The following ARHGAP31 variants were observed in gnomAD, a reference collection of about 807,000 sequenced individuals.
ARHGAP31 encodes rho GTPase-activating protein 31.
ARHGAP31 carries 34 observed loss-of-function variants against 113.9 expected under a neutral mutation model. The observed-to-expected ratio is 0.30, with a 90% CI of 0.23 to 0.40. The LOEUF is 0.40. Ranked by LOEUF, ARHGAP31 falls within the 10% of genes least tolerant of loss-of-function variation. The pLI, the probability that ARHGAP31 is intolerant of heterozygous loss-of-function variation, is 1.00. For synonymous variants in ARHGAP31, 650 were observed against 684.8 expected, an observed-to-expected ratio of 0.95 and a Z score of 0.79; for missense variants, 1,548 against 1,767.1, an observed-to-expected ratio of 0.88 and a Z score of 2.22.
chr3:119,295,051 T>A, intron 1 of ARHGAP31, 47 bp downstream of exon 1: 1 of 1,566,686 alleles, frequency 6.4e-7, no homozygotes, highest in Admixed American at 1.7e-5. Context: ...TCTTTTTGTT[T>A]GAGGGAGAGA....
chr3:119,364,014 T>C (rs2080232239), intron 1 of ARHGAP31, among the ~76,000 whole-genome samples: 1 of 152,168 alleles, frequency 6.6e-6, no homozygotes, highest in Non-Finnish European at 1.5e-5. Context: ...AGTGATCTGC[T>C]GCTCTCTCTG....
chr3:119,356,336 C>CA (rs113326415), intron 1 of ARHGAP31, among the ~76,000 whole-genome samples: 2,618 of 151,532 alleles, frequency 0.017, 46 homozygotes, highest in East Asian at 0.061. Context: ...ACAACAACAA[C>CA]AAAAAAAACC....
rs573424645 is a variant in ARHGAP31 at position 119,294,822 on chromosome 3, G to C, written c.-83G>C. ...CCCCCAGAGCCGCGGGGCAGCCGGTGATCTAGCCCGGGAGCCCATCTTACA... is the reference window on the plus strand; with the variant it reads ...CCCCCAGAGCCGCGGGGCAGCCGGTCATCTAGCCCGGGAGCCCATCTTACA... On this transcript the variant is annotated 5_prime_UTR_variant, in exon 1 of 12. The change abolishes the stop of an existing upstream ORF in the 5' untranslated region. Coordinates refer to ENST00000264245, the MANE Select transcript of ARHGAP31 (RefSeq NM_020754.4). 2 of 1,307,860 alleles carry C rather than the reference G, an allele frequency of 1.5e-6. No homozygotes were observed. Among genetic ancestry groups the C allele is most frequent in the African/African-American group, 2.9e-5 (2 of 68,808 alleles). The allele number at this position is 1,307,860 out of a possible 1,614,324, so 81.0% of individuals were successfully genotyped here. A position where few individuals can be genotyped will look rare whatever the true frequency, so the allele number is the denominator to read the frequency against.
At chr3:119,383,372 A>C in intron 6 of ARHGAP31, 146 bp downstream of exon 6, 3 of 1,064,872 alleles carry the variant, frequency 2.8e-6, no homozygotes, top group Admixed American at 1.8e-5. Context: ...TCAGTGTCTG[A>C]GGATCGTGCA....
intron 9 of ARHGAP31, among the ~76,000 whole-genome samples, chr3:119,399,991 A>G (rs1309209642): frequency 6.6e-6 from 1 of 152,234 alleles, no homozygotes; most frequent in East Asian, 1.9e-4. Flanking sequence ...TTACAAGGCA[A>G]AGGACTTGTC....
At chr3:119,295,396 A>G (rs1194186592) in intron 1 of ARHGAP31, among the ~76,000 whole-genome samples, 2 of 148,004 alleles carry the variant, frequency 1.4e-5, no homozygotes, top group African/African-American at 5.0e-5. Flanking sequence ...CCTGGGTACA[A>G]AATCATGACC....
Position 119,372,961 on chromosome 3 carries a change from G to C in ARHGAP31, c.348+4445G>C, listed in dbSNP as rs530607651. Among the ~76,000 whole-genome samples the C allele has an allele frequency of 5.3e-5, 8 of 152,208 alleles. No individual in the cohort carries two copies. The South Asian group carries it at 1.7e-3, about 32-fold the overall frequency. ...ACTTAATATGAAATAAAGTAATGAAGGAACAATGCCATAAACAGTGCTAGG... is the reference window on the plus strand; with the variant it reads ...ACTTAATATGAAATAAAGTAATGAACGAACAATGCCATAAACAGTGCTAGG... On this transcript the variant is annotated intron_variant, in intron 3 of 11. Transcript: ENST00000264245.
chr3:119,332,631 TCTCTCACACACACA>T lies in ARHGAP31; in HGVS notation c.101-32683_101-32670del, dbSNP rs1348386836. Among the ~76,000 whole-genome samples, 349 of 115,318 alleles carry T rather than the reference TCTCTCACACACACA, an allele frequency of 3.0e-3. 1 individual carries two copies. The highest frequency in any genetic ancestry group is 0.01 in the African/African-American group (294 of 28,040). The allele number at this position is 115,318 out of a possible 152,430, so 75.7% of individuals were successfully genotyped here. On this transcript the variant is annotated intron_variant, in intron 1 of 11. Coordinates refer to ENST00000264245, the MANE Select transcript of ARHGAP31 (RefSeq NM_020754.4). ...CTCTCTCTCTCTCTCTCTCTCTCTCTCTCTCACACACACACACACACACACACACACACACACAC... is the reference window on the plus strand; with the variant it reads ...CTCTCTCTCTCTCTCTCTCTCTCTCTCACACACACACACACACACACACAC...
chr3:119,391,598 T>TCCCCCCCCCC (rs1422804516), intron 7 of ARHGAP31, among the ~76,000 whole-genome samples: 36 of 87,056 alleles, frequency 4.1e-4, no homozygotes, highest in East Asian at 1.3e-3. Flanking sequence ...TACCCCCCCC[T>TCCCCCCCCCC]CCCCCCCGCC....
intron 1 of ARHGAP31, among the ~76,000 whole-genome samples, chr3:119,318,827 T>A (rs1365322896): frequency 6.6e-6 from 1 of 152,102 alleles, no homozygotes; most frequent in African/African-American, 2.4e-5. Context: ...AATAATTCAA[T>A]AAACAAATAT....
At chr3:119,336,650 T>C (rs1448605093) in intron 1 of ARHGAP31, among the ~76,000 whole-genome samples, 3 of 152,096 alleles carry the variant, frequency 2.0e-5, no homozygotes, top group Non-Finnish European at 4.4e-5. Flanking sequence ...TTTAATTTTA[T>C]TGAGATATAA....
At chr3:119,311,565 C>T (rs141533750) in intron 1 of ARHGAP31, among the ~76,000 whole-genome samples, 3 of 152,288 alleles carry the variant, frequency 2.0e-5, no homozygotes, top group African/African-American at 7.2e-5. Context: ...TTTGGGGGGA[C>T]GTTACTCAAC....
At position 119,332,627 on chromosome 3, in the gene ARHGAP31, TCTCTCTCTCACACACACACA is replaced by T. The variant is rs1197176222; in HGVS notation, c.101-32687_101-32668del. Among the ~76,000 whole-genome samples the T allele has an allele frequency of 5.4e-3, 654 of 121,370 alleles. 2 individuals are homozygous for T. Among genetic ancestry groups the T allele is most frequent in the African/African-American group, 0.021 (581 of 27,056 alleles). 79.6% of individuals were successfully genotyped at this position (121,370 alleles called of 152,430 possible). On this transcript the variant is annotated intron_variant, in intron 1 of 11. Coordinates refer to ENST00000264245, the MANE Select transcript of ARHGAP31 (RefSeq NM_020754.4). ...CTTTCTCTCTCTCTCTCTCTCTCTCTCTCTCTCTCACACACACACACACACACACACACACACACACACAC... is the reference window on the plus strand; with the variant it reads ...CTTTCTCTCTCTCTCTCTCTCTCTCTCACACACACACACACACACACACAC...
chr3:119,317,914 A>G (rs755726863), intron 1 of ARHGAP31, among the ~76,000 whole-genome samples: 1 of 152,152 alleles, frequency 6.6e-6, no homozygotes, highest in Non-Finnish European at 1.5e-5. Flanking sequence ...TATTGTGAGG[A>G]CCAGTTGAAG....
At position 119,402,135 on chromosome 3, in the gene ARHGAP31, T is replaced by C; in HGVS notation, c.1383T>C (p.Pro461=). 6.2e-7 allele frequency: 1 copy of C among 1,614,228 alleles called. No homozygotes were observed. Among genetic ancestry groups the C allele is most frequent in the Non-Finnish European group, 8.5e-7 (1 of 1,180,040 alleles). The change falls in exon 10 of 12, where the codon CCT becomes CCC. Residue 461 remains proline (P), a synonymous_variant. Coordinates refer to ENST00000264245, the MANE Select transcript of ARHGAP31 (RefSeq NM_020754.4). ...TGTTCTACACTTCGAACGACAGCCC[T>C]AGCAAATCCGTCTTCACCAGCAGCC... The part of the protein sequence containing the change: ...LGMFYTSNDS[P]SKSVFTSSLF...
In ARHGAP31 at chr3:119,380,906, G is replaced by A. The variant is rs757501179; in HGVS notation, c.351G>A (p.Glu117=). Residue 117 remains glutamate, a splice_region_variant and synonymous_variant, in exon 4 of 12, where the codon GAG becomes GAA. Coordinates refer to ENST00000264245, the MANE Select transcript of ARHGAP31 (RefSeq NM_020754.4). ...LTYELYEKFT[E]AVSHCPEEGQ... Reference sequence around the variant, plus strand: ...CTGCCTTGTGTTCTTCTCCACAGGAGGCAGTGTCGCATTGCCCTGAAGAAG... The same window carrying A: ...CTGCCTTGTGTTCTTCTCCACAGGAAGCAGTGTCGCATTGCCCTGAAGAAG... 2 of 1,614,072 alleles carry A rather than the reference G, an allele frequency of 1.2e-6. No individual in the cohort carries two copies. Among genetic ancestry groups the A allele is most frequent in the Non-Finnish European group, 1.7e-6 (2 of 1,179,944 alleles).
intron 1 of ARHGAP31, among the ~76,000 whole-genome samples, chr3:119,347,565 C>A (rs1474481229): frequency 6.6e-6 from 1 of 152,162 alleles, no homozygotes; most frequent in Non-Finnish European, 1.5e-5. Flanking sequence ...CCAGTGTCTT[C>A]ATGGAAGCTT....
At chr3:119,406,318 T>C (rs2080660357) in intron 10 of ARHGAP31, among the ~76,000 whole-genome samples, 1 of 152,214 alleles carries the variant, frequency 6.6e-6, no homozygotes, top group Admixed American at 6.5e-5. Flanking sequence ...TTCCTCCAAC[T>C]ACTAGATTTA....
intron 10 of ARHGAP31, among the ~76,000 whole-genome samples, chr3:119,402,820 C>A (rs1400584806): frequency 6.6e-6 from 1 of 152,184 alleles, no homozygotes; most frequent in African/African-American, 2.4e-5. Context: ...GGATTCAGTT[C>A]TTCCAGTCTC....
Sources: allele counts gnomAD v4.1 joint callset (sites outside exome capture counted in the v4.1 genomes callset), GRCh38; gene constraint gnomAD v4.1.1; transcripts MANE v1.5; gene names NCBI Gene and HGNC (gene_info 2026-07-23, HGNC 2026-07-21).